BTBD9: variants seen among roughly 807,000 people sequenced by gnomAD.
BTBD9 encodes the protein BTB/POZ domain-containing protein 9.
A neutral mutation model predicts 64.3 loss-of-function variants in BTBD9; 49 were observed. The observed-to-expected ratio is 0.76, with a 90% CI of 0.61 to 0.97. The LOEUF (loss-of-function observed/expected upper bound fraction) is 0.97. Among genes scored for constraint, BTBD9 ranks in the 50% least tolerant of loss-of-function variants. The pLI, the probability that BTBD9 is intolerant of heterozygous loss-of-function variation, is 0.00. For synonymous variants in BTBD9, 260 were observed against 274.7 expected, an observed-to-expected ratio of 0.95 and a Z score of 0.53; for missense variants, 598 against 762.1, an observed-to-expected ratio of 0.78 and a Z score of 2.53.
intron 6 of BTBD9, among the ~76,000 whole-genome samples, chr6:38,426,003 C>A (rs1223298367): frequency 1.3e-5 from 2 of 151,532 alleles, no homozygotes; most frequent in African/African-American, 4.9e-5. Context: ...CAAGCCCAAC[C>A]AGAAGCTACG....
At chr6:38,306,888 CA>C (rs1762646364) in intron 7 of BTBD9, among the ~76,000 whole-genome samples, 1 of 152,210 alleles carries the variant, frequency 6.6e-6, no homozygotes. Context: ...GGGCTTTATT[CA>C]ATGTTTCCCT....
chr6:38,348,552 T>C (rs985898907), intron 6 of BTBD9, among the ~76,000 whole-genome samples: 2 of 152,148 alleles, frequency 1.3e-5, no homozygotes, highest in East Asian at 1.9e-4. Context: ...ATGCAACAGA[T>C]TGGCCATTTC....
chr6:38,353,491 AC>A (rs886396014), intron 6 of BTBD9, among the ~76,000 whole-genome samples: 15 of 152,116 alleles, frequency 9.9e-5, no homozygotes, highest in African/African-American at 3.6e-4. Context: ...GAACAAACCA[AC>A]CCCTTCTCCG....
intron 9 of BTBD9, among the ~76,000 whole-genome samples, chr6:38,245,796 G>T (rs1407061673): frequency 6.6e-6 from 1 of 151,992 alleles, no homozygotes; most frequent in Non-Finnish European, 1.5e-5. Flanking sequence ...TTAATCATTT[G>T]GAATATAACA....
At chr6:38,471,380 C>A (rs1770646128) in intron 6 of BTBD9, among the ~76,000 whole-genome samples, 1 of 152,054 alleles carries the variant, frequency 6.6e-6, no homozygotes, top group South Asian at 2.1e-4. Context: ...TTTGCCTCAC[C>A]CAAGGAATCC....
chr6:38,576,742 C>T (rs570888322), intron 6 of BTBD9, among the ~76,000 whole-genome samples: 2 of 152,228 alleles, frequency 1.3e-5, no homozygotes, highest in Admixed American at 1.3e-4. Context: ...TCACTTTCTA[C>T]CTTTAATCTT....
intron 7 of BTBD9, among the ~76,000 whole-genome samples, chr6:38,335,882 C>T (rs776454144): frequency 5.9e-5 from 9 of 152,028 alleles, no homozygotes; most frequent in Non-Finnish European, 1.0e-4. Context: ...TACAGGTGCC[C>T]GCCACCACAC....
Position 38,423,082 on chromosome 6 carries a change from T to G in BTBD9, c.1155-77989A>C, listed in dbSNP as rs577661102. 8.4e-4 allele frequency among the ~76,000 whole-genome samples: 128 copies of G among 152,170 alleles called. 2 individuals are homozygous for G. In the South Asian group the frequency reaches 0.026, roughly 30 times the overall value. Reference sequence around the variant, plus strand: ...GAGTTCGAGATCAGCATGGCCAACATGGTAAAACCTCGTCTCTACTAAAAA... The same window carrying G: ...GAGTTCGAGATCAGCATGGCCAACAGGGTAAAACCTCGTCTCTACTAAAAA... On this transcript the variant is annotated intron_variant, in intron 6 of 10. Transcript: ENST00000481247.
intron 6 of BTBD9, among the ~76,000 whole-genome samples, chr6:38,469,353 C>G (rs535582718): frequency 7.3e-6 from 1 of 136,368 alleles, no homozygotes; most frequent in East Asian, 2.2e-4. Context: ...CAGTCTCGCT[C>G]TGTCGCCCAG....
At chr6:38,212,960 T>C (rs1465240879) in intron 9 of BTBD9, among the ~76,000 whole-genome samples, 1 of 152,110 alleles carries the variant, frequency 6.6e-6, no homozygotes, top group African/African-American at 2.4e-5. Context: ...CATTTCCTAA[T>C]GTTTTAAATA....
At chr6:38,502,263 T>G (rs2127401505) in intron 6 of BTBD9, among the ~76,000 whole-genome samples, 1 of 152,354 alleles carries the variant, frequency 6.6e-6, no homozygotes, top group Middle Eastern at 3.4e-3. Context: ...CTTTGGCTAC[T>G]GACATGGAAT....
intron 6 of BTBD9, among the ~76,000 whole-genome samples, chr6:38,464,061 C>A (rs1411830599): frequency 1.3e-5 from 2 of 151,768 alleles, no homozygotes; most frequent in African/African-American, 2.4e-5. Context: ...AAAATGAGTT[C>A]GTTAGGGTAG....
intron 6 of BTBD9, among the ~76,000 whole-genome samples, chr6:38,522,812 C>T (rs1028939389): frequency 6.6e-6 from 1 of 152,134 alleles, no homozygotes; most frequent in Non-Finnish European, 1.5e-5. Flanking sequence ...AGACAGCTCC[C>T]TATTCTAGTT....
At chr6:38,202,085 G>GTTTTTTTTT (rs147043026) in intron 9 of BTBD9, among the ~76,000 whole-genome samples, 7 of 120,614 alleles carry the variant, frequency 5.8e-5, no homozygotes, top group Admixed American at 9.1e-5. Context: ...CGTTTTTTTT[G>GTTTTTTTTT]TTTTTTTTTT....
At chr6:38,314,994 G>A (rs749840058) in intron 7 of BTBD9, among the ~76,000 whole-genome samples, 5 of 152,098 alleles carry the variant, frequency 3.3e-5, no homozygotes, top group South Asian at 2.1e-4. Flanking sequence ...GACTACAGGC[G>A]CCCGCCACCA....
At chr6:38,261,781 T>C (rs925086035) in intron 8 of BTBD9, among the ~76,000 whole-genome samples, 1 of 152,196 alleles carries the variant, frequency 6.6e-6, no homozygotes, top group African/African-American at 2.4e-5. Flanking sequence ...TAGTCCTCTA[T>C]TAAGAGTCCC....
At chr6:38,203,007 G>A (rs1197286512) in intron 9 of BTBD9, among the ~76,000 whole-genome samples, 1 of 152,082 alleles carries the variant, frequency 6.6e-6, no homozygotes, top group South Asian at 2.1e-4. Context: ...TAAAAAATGG[G>A]CAAAGGACAT....
chr6:38,255,758 G>A (rs1215725682), intron 9 of BTBD9, among the ~76,000 whole-genome samples: 1 of 152,156 alleles, frequency 6.6e-6, no homozygotes, highest in Non-Finnish European at 1.5e-5. Flanking sequence ...GTGGGGAATA[G>A]GATAGAGCCC....
At chr6:38,318,713 A>T (rs1006318274) in intron 7 of BTBD9, among the ~76,000 whole-genome samples, 3 of 152,190 alleles carry the variant, frequency 2.0e-5, no homozygotes, top group Non-Finnish European at 4.4e-5. Flanking sequence ...GCTAGGTCAG[A>T]CCTGAGGCCA....
Sources: allele counts gnomAD v4.1 joint callset (sites outside exome capture counted in the v4.1 genomes callset), GRCh38; gene constraint gnomAD v4.1.1; transcripts MANE v1.5; gene names NCBI Gene and HGNC (gene_info 2026-07-23, HGNC 2026-07-21).